NDUFAF4: variants seen among roughly 807,000 people sequenced by gnomAD.
The protein encoded by NDUFAF4 is NADH:ubiquinone oxidoreductase complex assembly factor 4.
In NDUFAF4, 10 loss-of-function variants were observed where a neutral mutation model predicts 15.6. That is an observed-to-expected ratio of 0.64 (90% CI 0.40 to 1.09). NDUFAF4 has a LOEUF of 1.09. Among genes scored for constraint, NDUFAF4 ranks in the 50% least tolerant of loss-of-function variants. The pLI, the probability that NDUFAF4 is intolerant of heterozygous loss-of-function variation, is 0.01. For missense variants in NDUFAF4, 203 were observed against 207.3 expected, an observed-to-expected ratio of 0.98 and a Z score of 0.13; for synonymous variants, 77 against 73.3, an observed-to-expected ratio of 1.05 and a Z score of -0.26.
chr6:96,894,481 C>T (rs140711735), intron 2 of NDUFAF4, among the ~76,000 whole-genome samples: 7 of 152,182 alleles, frequency 4.6e-5, no homozygotes, highest in Non-Finnish European at 7.4e-5. Flanking sequence ...AATCATATGG[C>T]GAGAGTGCTA....
chr6:96,893,882 C>T (rs1178015205), intron 2 of NDUFAF4, among the ~76,000 whole-genome samples: 2 of 152,150 alleles, frequency 1.3e-5, no homozygotes, highest in African/African-American at 2.4e-5. Context: ...AGAATGCCTA[C>T]TTTCACTGGC....
rs78567928 is a variant in NDUFAF4 at position 96,896,800 on chromosome 6, G to A, written c.184C>T (p.Leu62=). The A allele has an allele frequency of 5.2e-4, 836 of 1,613,862 alleles. 8 individuals are homozygous for A. In the East Asian group the frequency reaches 0.015, roughly 29 times the overall value. Residue 62 remains leucine (L), a synonymous_variant, in exon 2 of 3, where the codon CTG becomes TTG. Coordinates refer to ENST00000316149, the MANE Select transcript of NDUFAF4 (RefSeq NM_014165.4). Reference sequence around the variant, plus strand: ...ACATACACATCTTTTAGAAACGACAGCAGCTTTTCATCTTTACGAGCAATC... The same window carrying A: ...ACATACACATCTTTTAGAAACGACAACAGCTTTTCATCTTTACGAGCAATC... ...GEIARKDEKL[L]SFLKDVYVDS... is the part of the protein sequence containing the mutation.
At chr6:96,894,521 C>T (rs1326714073) in intron 2 of NDUFAF4, among the ~76,000 whole-genome samples, 1 of 151,992 alleles carries the variant, frequency 6.6e-6, no homozygotes, top group Non-Finnish European at 1.5e-5. Context: ...ATCTTCGAAC[C>T]CTGAAATTGT....
At position 96,897,849 on chromosome 6, in the gene NDUFAF4, C is replaced by G. The variant is rs768426462; in HGVS notation, c.-48G>C. The G allele has an allele frequency of 6.2e-7, 1 of 1,612,580 alleles. No individual in the cohort carries two copies. Among genetic ancestry groups the G allele is most frequent in the Non-Finnish European group, 8.5e-7 (1 of 1,179,216 alleles). ...AGGTTCAGGCCGCACGTGGGAACAC[C>G]GGCGCAGGACAACTCCGGGACACCC... On this transcript the variant is annotated 5_prime_UTR_variant, in exon 1 of 3. Coordinates refer to ENST00000316149, the MANE Select transcript of NDUFAF4 (RefSeq NM_014165.4).
Position 96,897,859 on chromosome 6 carries a change from C to T in NDUFAF4, c.-58G>A. ...CGCACGTGGGAACACCGGCGCAGGA[C>T]AACTCCGGGACACCCGGAGCATGCG... On this transcript the variant is annotated 5_prime_UTR_variant, in exon 1 of 3. Transcript: ENST00000316149. 1.2e-6 allele frequency: 2 copies of T among 1,612,240 alleles called. No individual in the cohort carries two copies. Among genetic ancestry groups the T allele is most frequent in the South Asian group, 2.2e-5 (2 of 90,994 alleles).
chr6:96,890,766 G>A lies in NDUFAF4; in HGVS notation c.*338C>T, dbSNP rs1775304750. 1.8e-5 allele frequency: 4 copies of A among 221,198 alleles called. No individual in the cohort carries two copies. In the South Asian group the frequency reaches 2.8e-4, roughly 16 times the overall value. The allele number at this position is 221,198 out of a possible 1,614,324, so 13.7% of individuals were successfully genotyped here. A position where few individuals can be genotyped will look rare whatever the true frequency, so the allele number is the denominator to read the frequency against. On this transcript the variant is annotated 3_prime_UTR_variant, in exon 3 of 3. Coordinates refer to ENST00000316149, the MANE Select transcript of NDUFAF4 (RefSeq NM_014165.4). ...CTAACTTGGAAAGTAAAACTCAGTT[G>A]AGGGATTCAGGACATTTCCCAAGGG...
rs563056233 is a variant in NDUFAF4 at position 96,897,440 on chromosome 6, C to G, written c.136+226G>C. Among the ~76,000 whole-genome samples, 25 of 152,344 alleles carry G rather than the reference C, an allele frequency of 1.6e-4. 1 individual carries two copies. In the East Asian group the frequency reaches 4.8e-3, roughly 29 times the overall value. On this transcript the variant is annotated intron_variant, in intron 1 of 2. Coordinates refer to ENST00000316149, the MANE Select transcript of NDUFAF4 (RefSeq NM_014165.4). The stretch of plus-strand genomic sequence containing the variant: ...GGTTAGCGGGAGCACTGGCTGCTGC[C>G]TCTGGGTCTCGGAAGTAGGCGGGGC...
rs551876579 is a variant in NDUFAF4, at chr6:96,897,472, C to T, written c.136+194G>A. 2.6e-5 allele frequency among the ~76,000 whole-genome samples: 4 copies of T among 152,304 alleles called. No individual in the cohort carries two copies. The South Asian group carries it at 6.2e-4, about 24-fold the overall frequency. ...TCTCGGAAGTAGGCGGGGCCGCCGA[C>T]CTCACCGCGGGCGCGGAGGACAGTC... On this transcript the variant is annotated intron_variant, in intron 1 of 2. Transcript: ENST00000316149.
At chr6:96,893,253 G>T (rs909567129) in intron 2 of NDUFAF4, among the ~76,000 whole-genome samples, 97 of 152,074 alleles carry the variant, frequency 6.4e-4, no homozygotes, top group Non-Finnish European at 2.8e-4. Flanking sequence ...CCTCCTATTT[G>T]GTCTCTTCTA....
chr6:96,896,312 AAAAC>A (rs1360083642), intron 2 of NDUFAF4, among the ~76,000 whole-genome samples: 1 of 152,188 alleles, frequency 6.6e-6, no homozygotes, highest in Non-Finnish European at 1.5e-5. Context: ...CATCCTTAAA[AAAAC>A]AAACAGGAAC....
At chr6:96,891,537 G>A in intron 2 of NDUFAF4, 146 bp from the exon 3 acceptor site, 1 of 853,040 alleles carries the variant, frequency 1.2e-6, no homozygotes, top group Non-Finnish European at 1.8e-6. Flanking sequence ...TCACCAAATT[G>A]TAGTCCCCAA....
At chr6:96,895,174 T>C (rs1230878839) in intron 2 of NDUFAF4, among the ~76,000 whole-genome samples, 1 of 152,180 alleles carries the variant, frequency 6.6e-6, no homozygotes, top group Non-Finnish European at 1.5e-5. Flanking sequence ...AGACCACATT[T>C]AATGCCAGAT....
chr6:96,894,221 G>A (rs1775345595), intron 2 of NDUFAF4, among the ~76,000 whole-genome samples: 1 of 152,154 alleles, frequency 6.6e-6, no homozygotes, highest in Non-Finnish European at 1.5e-5. Flanking sequence ...TCCTGTCTAG[G>A]ATGTGAATCC....
chr6:96,895,660 T>C (rs1254424325), intron 2 of NDUFAF4, among the ~76,000 whole-genome samples: 1 of 152,058 alleles, frequency 6.6e-6, no homozygotes, highest in African/African-American at 2.4e-5. Flanking sequence ...ACTTGGGGAG[T>C]ATTACTCAAC....
chr6:96,897,481 G>A (rs1187830305), intron 1 of NDUFAF4, among the ~76,000 whole-genome samples, 185 bp downstream of exon 1: 9 of 152,300 alleles, frequency 5.9e-5, no homozygotes, highest in African/African-American at 1.7e-4. Context: ...ACCTCACCGC[G>A]GGCGCGGAGG....
intron 2 of NDUFAF4, chr6:96,896,294 T>C (rs970855199): frequency 1.0e-5 from 2 of 190,894 alleles, no homozygotes; most frequent in Admixed American, 5.4e-5. Flanking sequence ...AAATATCCTA[T>C]CTGAATACAT....
rs1395647361 is a variant in NDUFAF4 at position 96,889,480 on chromosome 6, A to G, written c.*1624T>C. 2 of 152,152 alleles carry G rather than the reference A, an allele frequency of 1.3e-5. No individual in the cohort carries two copies. Among genetic ancestry groups the G allele is most frequent in the African/African-American group, 4.8e-5 (2 of 41,378 alleles). The allele number at this position is 152,152 out of a possible 1,614,324, so 9.4% of individuals were successfully genotyped here. A position where few individuals can be genotyped will look rare whatever the true frequency, so the allele number is the denominator to read the frequency against. On this transcript the variant is annotated 3_prime_UTR_variant, in exon 3 of 3. Transcript: ENST00000316149. ...AAGAATAAAGTTTTGACTTATTTAC[A>G]GTTTTAAAATGCATTTTATATTGAG... is the stretch of plus-strand genomic sequence containing the variant.
intron 2 of NDUFAF4, among the ~76,000 whole-genome samples, chr6:96,893,009 C>A (rs1775333302): frequency 1.3e-5 from 2 of 152,172 alleles, no homozygotes; most frequent in South Asian, 4.2e-4. Context: ...TGAAACTAAA[C>A]CTATCACCAG....
chr6:96,897,062 G>A (rs1775387281), intron 1 of NDUFAF4: 1 of 506,546 alleles, frequency 2.0e-6, no homozygotes, highest in Non-Finnish European at 3.6e-6. Context: ...GACAAGCTGA[G>A]GCTACAGGCG....
Sources: gnomAD v4.1 joint callset for allele counts (sites outside exome capture counted in the v4.1 genomes callset) on GRCh38, gnomAD v4.1.1 for gene constraint, MANE v1.5 for transcripts, NCBI Gene and HGNC (gene_info 2026-07-23, HGNC 2026-07-21) for gene names.